Variants in TMEM266 observed in about 807,000 individuals in gnomAD.
The protein encoded by TMEM266 is transmembrane protein 266, also known as Hv1 related protein 1.
A neutral mutation model predicts 50.5 loss-of-function variants in TMEM266; 33 were observed. The ratio of observed to expected loss-of-function variants is 0.65; its 90% CI spans 0.50 to 0.87. The LOEUF (loss-of-function observed/expected upper bound fraction) is 0.87. TMEM266 is among the 40% of genes least tolerant of loss of function. The probability of loss-of-function intolerance (pLI) is 0.00; values close to 1 mark genes in which losing one functional copy is unlikely to be tolerated. For missense variants in TMEM266, 655 were observed against 695.1 expected (o/e 0.94, Z 0.65); for synonymous variants, 310 against 292.3 (o/e 1.06, Z -0.62).
intron 9 of TMEM266, 85 bp downstream of exon 9, chr15:76,192,242 G>A (rs2038587480): frequency 8.0e-7 from 1 of 1,244,576 alleles, no homozygotes. Context: ...ACTGTGCGCA[G>A]AGTGGATGGG....
chr15:76,119,406 AAAAAAAGAAAAG>A (rs1567157823), intron 1 of TMEM266, among the ~76,000 whole-genome samples: 1 of 150,180 alleles, frequency 6.7e-6, no homozygotes, highest in African/African-American at 2.5e-5. Context: ...AAAAAAAAAA[AAAAAAAGAAAAG>A]AAAAGAAAAT....
At chr15:76,177,888 G>A (rs1322181819) in intron 8 of TMEM266, among the ~76,000 whole-genome samples, 1 of 152,228 alleles carries the variant, frequency 6.6e-6, no homozygotes, top group Non-Finnish European at 1.5e-5. Context: ...GTGGAAATCT[G>A]GTGCAATGCC....
intron 1 of TMEM266, among the ~76,000 whole-genome samples, chr15:76,133,097 C>T (rs1242939343): frequency 6.6e-6 from 1 of 151,528 alleles, no homozygotes; most frequent in Non-Finnish European, 1.5e-5. Flanking sequence ...CCACTGTGCT[C>T]CAGCCTGGGT....
chr15:76,202,115 T>C, intron 9 of TMEM266, 87 bp from the exon 10 acceptor site: 2 of 1,178,052 alleles, frequency 1.7e-6, no homozygotes, highest in Non-Finnish European at 1.2e-6. Context: ...AGCTGCCTTC[T>C]CTTGTGACCG....
chr15:76,089,144 G>A (rs1251132658), intron 1 of TMEM266, among the ~76,000 whole-genome samples: 1 of 142,108 alleles, frequency 7.0e-6, no homozygotes, highest in Non-Finnish European at 1.5e-5. Flanking sequence ...GAGTCTTCAA[G>A]AGGAAGTATT....
chr15:76,121,325 A>G (rs1460385529), intron 1 of TMEM266, among the ~76,000 whole-genome samples: 2 of 152,198 alleles, frequency 1.3e-5, no homozygotes, highest in African/African-American at 4.8e-5. Context: ...ATTGTCTATA[A>G]TGTATCAGTG....
chr15:76,202,802 C>T (rs140932207), intron 10 of TMEM266, among the ~76,000 whole-genome samples: 14 of 152,286 alleles, frequency 9.2e-5, no homozygotes, highest in African/African-American at 2.6e-4. Flanking sequence ...TTCCGGGTTC[C>T]ACATGCAGTT....
chr15:76,100,833 A>G (rs1008261735), intron 1 of TMEM266, among the ~76,000 whole-genome samples: 4 of 152,196 alleles, frequency 2.6e-5, no homozygotes, highest in African/African-American at 7.2e-5. Context: ...ATTGTGTTCA[A>G]CCCCATGATT....
At position 76,153,128 on chromosome 15, in the gene TMEM266, C is replaced by T. The variant is rs1400273577; in HGVS notation, c.228-3476C>T. On this transcript the variant is annotated intron_variant, in intron 3 of 10. Coordinates refer to ENST00000388942, the MANE Select transcript of TMEM266 (RefSeq NM_152335.3). This position sits in a 1 kb window ranked among gnomAD's most constrained non-coding sequence, Gnocchi z 4.2. Reference sequence around the variant, plus strand: ...ACCACCTGATATGGTTAGTAAGTTTCTCTAACAAAAAAAAAAAGAAGAAAA... The same window carrying T: ...ACCACCTGATATGGTTAGTAAGTTTTTCTAACAAAAAAAAAAAGAAGAAAA... Among the ~76,000 whole-genome samples, 1 of 105,996 alleles carries T rather than the reference C, an allele frequency of 9.4e-6. No homozygotes were observed. The allele number at this position is 105,996 out of a possible 152,430, so 69.5% of individuals were successfully genotyped here. A position where few individuals can be genotyped will look rare whatever the true frequency, so the allele number is the denominator to read the frequency against.
At chr15:76,089,524 C>T (rs78362257) in intron 1 of TMEM266, among the ~76,000 whole-genome samples, 58 of 151,976 alleles carry the variant, frequency 3.8e-4, no homozygotes, top group African/African-American at 1.2e-3. Context: ...TTGTAGAATT[C>T]GTGGGGTTGA....
intron 1 of TMEM266, among the ~76,000 whole-genome samples, chr15:76,130,127 G>A (rs535542852): frequency 1.4e-3 from 211 of 150,638 alleles, no homozygotes; most frequent in African/African-American, 4.9e-3. Context: ...GCTGATGGTG[G>A]GGGGATCACT....
intron 1 of TMEM266, among the ~76,000 whole-genome samples, chr15:76,097,806 T>A (rs1467552307): frequency 6.6e-6 from 1 of 152,036 alleles, no homozygotes; most frequent in Non-Finnish European, 1.5e-5. Flanking sequence ...TATTCCTTTT[T>A]ATTCTTTTTT....
At chr15:76,090,530 G>A (rs2036834998) in intron 1 of TMEM266, among the ~76,000 whole-genome samples, 3 of 151,200 alleles carry the variant, frequency 2.0e-5, no homozygotes, top group Admixed American at 2.0e-4. Flanking sequence ...AAAAAAGTTG[G>A]GAAAAGAATG....
chr15:76,204,088 G>T lies in TMEM266; in HGVS notation c.1369G>T (p.Ala457Ser). The T allele has an allele frequency of 6.2e-7, 1 of 1,612,776 alleles. No individual in the cohort carries two copies. ...GGAGGACCCCTGCCCTTCCCAGAAG[G>T]CCTTGGACCCAGCCCCCCTCGCCCG... The change falls in exon 11 of 11, where the codon GCC (alanine) becomes TCC (serine). Residue 457 changes from alanine (A) to serine (S), a missense_variant. Around this residue, in one of 3 missense-constraint regions of TMEM266, gnomAD observed 455 missense variants for 401.8 expected, o/e 1.13. Transcript: ENST00000388942.
At chr15:76,087,648 A>T (rs1418323345) in intron 1 of TMEM266, among the ~76,000 whole-genome samples, 1 of 152,190 alleles carries the variant, frequency 6.6e-6, no homozygotes, top group African/African-American at 2.4e-5. Context: ...TGTATGGATT[A>T]AGCAGAGACA....
intron 1 of TMEM266, among the ~76,000 whole-genome samples, chr15:76,101,715 A>G (rs968139198): frequency 3.9e-5 from 6 of 152,190 alleles, no homozygotes; most frequent in Non-Finnish European, 8.8e-5. Flanking sequence ...CAGACCCACA[A>G]AGAGGGGATA....
At chr15:76,200,521 C>G (rs111906792) in intron 9 of TMEM266, among the ~76,000 whole-genome samples, 2 of 152,210 alleles carry the variant, frequency 1.3e-5, no homozygotes, top group African/African-American at 4.8e-5. Context: ...GCAAGTGGCT[C>G]TTGGGTTAAG....
chr15:76,122,944 A>G (rs1327018446), intron 1 of TMEM266, among the ~76,000 whole-genome samples: 1 of 152,228 alleles, frequency 6.6e-6, no homozygotes, highest in East Asian at 1.9e-4. Context: ...CTTTCTGAAA[A>G]GAGTAACTGA....
At chr15:76,188,429 CCT>C (rs1204796856) in intron 8 of TMEM266, among the ~76,000 whole-genome samples, 1 of 152,156 alleles carries the variant, frequency 6.6e-6, no homozygotes, top group Non-Finnish European at 1.5e-5. Context: ...ACGGTGAAAC[CCT>C]GTCTCTACTA....
Sources: allele counts gnomAD v4.1 joint callset (sites outside exome capture counted in the v4.1 genomes callset), GRCh38; gene constraint gnomAD v4.1.1; regional missense constraint gnomAD v4.1.1; non-coding constraint Gnocchi (gnomAD v3.1); transcripts MANE v1.5; gene names NCBI Gene and HGNC (gene_info 2026-07-23, HGNC 2026-07-21).